The following GATAD2A variants were observed in gnomAD, a reference collection of about 807,000 sequenced individuals.
GATAD2A encodes GATA zinc finger domain containing 2A.
GATAD2A carries 12 observed loss-of-function variants against 68.5 expected under a neutral mutation model. That is an observed-to-expected ratio of 0.18 (90% CI 0.11 to 0.28). The LOEUF (loss-of-function observed/expected upper bound fraction) is 0.28, where lower values mean the gene tolerates loss of function less well. Among genes scored for constraint, GATAD2A ranks in the 10% least tolerant of loss-of-function variants. GATAD2A has a pLI of 1.00. For synonymous variants in GATAD2A, 410 were observed against 375.3 expected, an observed-to-expected ratio of 1.09 and a Z score of -1.07; for missense variants, 755 against 868.5, an observed-to-expected ratio of 0.87 and a Z score of 1.64.
At position 19,430,976 on chromosome 19, in the gene GATAD2A, G is replaced by GGGTGTGT. The variant is rs140794575; in HGVS notation, c.-7+24958_-7+24959insGTGTGTG. Among the ~76,000 whole-genome samples the GGGTGTGT allele has an allele frequency of 2.4e-3, 329 of 136,772 alleles. 2 individuals carry two copies. Among genetic ancestry groups the GGGTGTGT allele is most frequent in the African/African-American group, 8.6e-3 (308 of 35,672 alleles). The allele number at this position is 136,772 out of a possible 152,430, so 89.7% of individuals were successfully genotyped here. A position where few individuals can be genotyped will look rare whatever the true frequency, so the allele number is the denominator to read the frequency against. ...GTGTTTGGGTGGGTTGTATGGTAGG[G>GGGTGTGT]GTGTGTGTGTGTGTGTGTGTGTGTG... is the stretch of plus-strand genomic sequence containing the variant. On this transcript the variant is annotated intron_variant, in intron 1 of 11. Coordinates refer to ENST00000683918, the MANE Select transcript of GATAD2A (RefSeq NM_001384528.1).
upstream of GATAD2A, among the ~76,000 whole-genome samples, chr19:19,400,680 T>C (rs1228820042): frequency 1.3e-5 from 2 of 152,092 alleles, no homozygotes; most frequent in African/African-American, 4.8e-5. Context: ...TAATTAATCT[T>C]TTCTTTTCTT....
At chr19:19,422,905 G>T (rs111359350) in intron 1 of GATAD2A, among the ~76,000 whole-genome samples, 3 of 151,952 alleles carry the variant, frequency 2.0e-5, no homozygotes, top group Non-Finnish European at 2.9e-5. Context: ...TAGAGACAGG[G>T]TTTCACCGTT....
chr19:19,403,449 G>A (rs78482482), upstream of GATAD2A, among the ~76,000 whole-genome samples: 2,167 of 152,068 alleles, frequency 0.014, 56 homozygotes, highest in African/African-American at 0.049. Context: ...CTCCCCGTCC[G>A]ACTTTCCTGG....
intron 1 of GATAD2A, among the ~76,000 whole-genome samples, chr19:19,453,097 C>T (rs2056557439): frequency 6.6e-6 from 1 of 152,210 alleles, no homozygotes; most frequent in Non-Finnish European, 1.5e-5. Flanking sequence ...TTGGTTCACA[C>T]CTTGTGCTTG....
intron 2 of GATAD2A, among the ~76,000 whole-genome samples, chr19:19,482,689 C>A (rs2059139144): frequency 6.6e-6 from 1 of 152,166 alleles, no homozygotes; most frequent in Admixed American, 6.5e-5. Context: ...GGTGGTTGGC[C>A]TAGGAATGGC....
intron 2 of GATAD2A, among the ~76,000 whole-genome samples, chr19:19,487,502 T>C (rs1473929438): frequency 8.5e-6 from 1 of 117,124 alleles, no homozygotes; most frequent in Non-Finnish European, 1.8e-5. Flanking sequence ...CGAGGGTGGG[T>C]GGGCCAGTCA....
chr19:19,386,620 C>T (rs2048445625), intron 1 of GATAD2A, among the ~76,000 whole-genome samples: 2 of 152,088 alleles, frequency 1.3e-5, no homozygotes, highest in South Asian at 2.1e-4. Context: ...GGATCCCCAC[C>T]TCTCTAGGGG....
At chr19:19,449,618 C>A (rs983924742) in intron 1 of GATAD2A, among the ~76,000 whole-genome samples, 2 of 150,674 alleles carry the variant, frequency 1.3e-5, no homozygotes, top group African/African-American at 4.9e-5. Context: ...AAAAATCCAG[C>A]CTGGGCAACA....
At chr19:19,450,822 G>A (rs1335634998) in intron 1 of GATAD2A, among the ~76,000 whole-genome samples, 1 of 150,874 alleles carries the variant, frequency 6.6e-6, no homozygotes, top group African/African-American at 2.4e-5. Context: ...CCAGGCTGGA[G>A]TACAGTGGCA....
intron 1 of GATAD2A, among the ~76,000 whole-genome samples, chr19:19,408,903 C>T (rs975237798): frequency 3.9e-5 from 6 of 151,918 alleles, no homozygotes; most frequent in Admixed American, 6.6e-5. Context: ...AAGGCAAGGG[C>T]TGGTGCAGTG....
intron 1 of GATAD2A, among the ~76,000 whole-genome samples, chr19:19,430,785 C>T (rs1458421891): frequency 1.3e-5 from 2 of 152,132 alleles, no homozygotes; most frequent in Non-Finnish European, 2.9e-5. Flanking sequence ...AGTGTCAGGC[C>T]ATGTGTCCTT....
chr19:19,487,432 A>AG (rs900467009), intron 2 of GATAD2A, among the ~76,000 whole-genome samples: 1 of 65,422 alleles, frequency 1.5e-5, no homozygotes, highest in Non-Finnish European at 3.1e-5. Flanking sequence ...TCATCTTCAT[A>AG]GGGGGGTGGG....
rs1269092730 is a variant in GATAD2A, at chr19:19,405,907, C to G, written c.-119C>G. ...CGGGCGGCCCCACAGGCGGAACGAG[C>G]GCGCGCGGCCCGGCGTCCCCGGCCC... On this transcript the variant is annotated 5_prime_UTR_variant, in exon 1 of 12. Coordinates refer to ENST00000683918, the MANE Select transcript of GATAD2A (RefSeq NM_001384528.1). The G allele has an allele frequency of 6.9e-6, 1 of 145,942 alleles. No homozygotes were observed. 9.0% of individuals were successfully genotyped at this position (145,942 alleles called of 1,614,324 possible). A position where few individuals can be genotyped will look rare whatever the true frequency, so the allele number is the denominator to read the frequency against.
chr19:19,423,290 G>A (rs1266760769), intron 1 of GATAD2A, among the ~76,000 whole-genome samples: 2 of 152,244 alleles, frequency 1.3e-5, no homozygotes, highest in Non-Finnish European at 1.5e-5. Context: ...ACAGGCATGA[G>A]CCACCACACT....
rs2060865990 is a variant in GATAD2A at position 19,506,354 on chromosome 19, G to C, written c.*880G>C. 7.6e-6 allele frequency: 3 copies of C among 397,082 alleles called. No individual in the cohort carries two copies. In the Admixed American group the frequency reaches 1.3e-4, roughly 17 times the overall value. The allele number at this position is 397,082 out of a possible 1,614,324, so 24.6% of individuals were successfully genotyped here. A position where few individuals can be genotyped will look rare whatever the true frequency, so the allele number is the denominator to read the frequency against. On this transcript the variant is annotated 3_prime_UTR_variant, in exon 12 of 12. Transcript: ENST00000683918. ...GGCAGCAGCCCTGAGCAGAAAGCTGGAGGGGGGACTGTCGCGGGGTTTTTC... is the reference window on the plus strand; with the variant it reads ...GGCAGCAGCCCTGAGCAGAAAGCTGCAGGGGGGACTGTCGCGGGGTTTTTC...
chr19:19,400,067 A>G lies in GATAD2A; in HGVS notation c.-7+13929A>G, dbSNP rs540321595. Among the ~76,000 whole-genome samples the G allele has an allele frequency of 2.2e-4, 33 of 151,676 alleles. No individual in the cohort carries two copies. The South Asian group carries it at 6.7e-3, about 31-fold the overall frequency. On this transcript the variant is annotated intron_variant, in intron 1 of 11. Transcript: ENST00000360315. ...AATTCATAGAAAACAGTTTACTTCC[A>G]TCCAAATTAGGTGGGAATTTTTTTA...
intron 1 of GATAD2A, among the ~76,000 whole-genome samples, chr19:19,395,404 G>A (rs2049153201): frequency 6.6e-6 from 1 of 152,012 alleles, no homozygotes; most frequent in Admixed American, 6.6e-5. Flanking sequence ...GCAATGAGCT[G>A]AGATCATGCC....
At chr19:19,461,586 G>A (rs550477636) in intron 1 of GATAD2A, among the ~76,000 whole-genome samples, 8 of 152,314 alleles carry the variant, frequency 5.3e-5, no homozygotes, top group South Asian at 4.1e-4. Flanking sequence ...AGGTGCTCCC[G>A]GTCAGAGCTG....
At chr19:19,435,827 G>T (rs1458857563) in intron 1 of GATAD2A, among the ~76,000 whole-genome samples, 1 of 152,174 alleles carries the variant, frequency 6.6e-6, no homozygotes, top group East Asian at 1.9e-4. Context: ...TCCAGTCTGG[G>T]CATAAGATAA....
Sources: gnomAD v4.1 joint callset for allele counts (sites outside exome capture counted in the v4.1 genomes callset) on GRCh38, gnomAD v4.1.1 for gene constraint, MANE v1.5 for transcripts, NCBI Gene and HGNC (gene_info 2026-07-23, HGNC 2026-07-21) for gene names.